The following KCNN2 variants were observed in gnomAD, a reference collection of about 807,000 sequenced individuals.
KCNN2 encodes the protein small conductance calcium-activated potassium channel protein 2.
A neutral mutation model predicts 55.5 loss-of-function variants in KCNN2; 24 were observed. The ratio of observed to expected loss-of-function variants is 0.43; its 90% CI spans 0.31 to 0.61. The LOEUF (loss-of-function observed/expected upper bound fraction) is 0.61, where lower values mean the gene tolerates loss of function less well. Among genes scored for constraint, KCNN2 ranks in the 20% least tolerant of loss-of-function variants. The probability of loss-of-function intolerance (pLI) is 0.08; values close to 1 mark genes in which losing one functional copy is unlikely to be tolerated. For missense variants in KCNN2, 754 were observed against 853.6 expected, an observed-to-expected ratio of 0.88 and a Z score of 1.45; for synonymous variants, 431 against 336.1, an observed-to-expected ratio of 1.28 and a Z score of -3.09.
chr5:114,173,674 C>T (rs545096366), intron 1 of KCNN2, among the ~76,000 whole-genome samples: 4 of 151,076 alleles, frequency 2.6e-5, no homozygotes, highest in Admixed American at 1.3e-4. Flanking sequence ...TTTTCATCAG[C>T]GTTTTGTATT....
intron 1 of KCNN2, among the ~76,000 whole-genome samples, chr5:114,138,931 T>G (rs1752221549): frequency 6.6e-6 from 1 of 152,140 alleles, no homozygotes. Flanking sequence ...TGGTCACACG[T>G]TATGGCAATT....
rs552842864 is a variant in KCNN2 at position 114,445,469 on chromosome 5, A to ATT, written c.1638-17580_1638-17579insTT. Among the ~76,000 whole-genome samples the ATT allele has an allele frequency of 3.9e-4, 59 of 152,322 alleles. 2 individuals carry two copies. In the South Asian group the frequency reaches 0.011, roughly 29 times the overall value. ...AGTTAAGAAACAAACACTTTAATTA[A>ATT]ATTGCACAGAGCAAAAGAAAGCTTT... On this transcript the variant is annotated intron_variant, in intron 3 of 7. Transcript: ENST00000673685.
chr5:114,196,201 C>T (rs1753552844), intron 1 of KCNN2, among the ~76,000 whole-genome samples: 1 of 151,604 alleles, frequency 6.6e-6, no homozygotes, highest in Admixed American at 6.6e-5. Flanking sequence ...CTGTTGCATT[C>T]CTGAGATAAT....
chr5:114,452,625 T>G (rs1386980802), intron 3 of KCNN2, among the ~76,000 whole-genome samples: 2 of 152,184 alleles, frequency 1.3e-5, no homozygotes, highest in Non-Finnish European at 2.9e-5. Flanking sequence ...TCTGGGGAGC[T>G]TTTAAAAAAT....
At chr5:114,167,155 G>A (rs145341613) in intron 1 of KCNN2, among the ~76,000 whole-genome samples, 272 of 152,234 alleles carry the variant, frequency 1.8e-3, no homozygotes, top group Non-Finnish European at 3.0e-3. Flanking sequence ...TGAACTTTCA[G>A]ATGATTTCAG....
At chr5:114,342,523 G>C (rs1392878136) in intron 2 of KCNN2, among the ~76,000 whole-genome samples, 1 of 152,092 alleles carries the variant, frequency 6.6e-6, no homozygotes, top group Non-Finnish European at 1.5e-5. Context: ...ATAGACTTTA[G>C]ATCACCAACA....
intron 1 of KCNN2, among the ~76,000 whole-genome samples, chr5:114,166,395 C>T (rs973392056): frequency 1.1e-4 from 16 of 152,222 alleles, no homozygotes; most frequent in East Asian, 7.7e-4. Flanking sequence ...ATGCTGCCTT[C>T]GCGGTATGTC....
intron 1 of KCNN2, among the ~76,000 whole-genome samples, chr5:114,180,382 C>G (rs1262372383): frequency 2.6e-5 from 4 of 151,998 alleles, no homozygotes; most frequent in Non-Finnish European, 5.9e-5. Flanking sequence ...ATATTTATAA[C>G]CCTAACAATT....
At chr5:114,212,121 C>G (rs1291462016) in intron 1 of KCNN2, among the ~76,000 whole-genome samples, 1 of 151,932 alleles carries the variant, frequency 6.6e-6, no homozygotes, top group Non-Finnish European at 1.5e-5. Flanking sequence ...GGTGAAACCA[C>G]TTAAAAATTT....
chr5:114,122,668 T>A (rs1487423903), intron 1 of KCNN2, among the ~76,000 whole-genome samples: 2 of 152,164 alleles, frequency 1.3e-5, no homozygotes, highest in African/African-American at 4.8e-5. Context: ...GTTTTGAGCT[T>A]GGACTCAAAG....
rs549647216 is a variant in KCNN2, at chr5:114,306,002, C to T, written c.-184-54943C>T. Among the ~76,000 whole-genome samples the T allele has an allele frequency of 3.5e-4, 54 of 152,244 alleles. No homozygotes were observed. The South Asian group carries it at 0.011, about 32-fold the overall frequency. Reference sequence around the variant, plus strand: ...ATCATCAGGTCTAATAACATGATGTCATCAACTGTAGTGAAACAGCATAAT... The same window carrying T: ...ATCATCAGGTCTAATAACATGATGTTATCAACTGTAGTGAAACAGCATAAT... On this transcript the variant is annotated intron_variant, in intron 2 of 10. Transcript: ENST00000512097.
chr5:114,198,136 A>G (rs1753596367), intron 1 of KCNN2, among the ~76,000 whole-genome samples: 1 of 151,912 alleles, frequency 6.6e-6, no homozygotes. Flanking sequence ...TAGGATCTAT[A>G]TCTGCCATTT....
chr5:114,227,562 T>C (rs1284143663), intron 2 of KCNN2, among the ~76,000 whole-genome samples: 2 of 152,218 alleles, frequency 1.3e-5, no homozygotes, highest in South Asian at 4.1e-4. Flanking sequence ...TGTTCATTTT[T>C]CTGTCCTCCA....
At chr5:114,177,070 C>G (rs1038049080) in intron 1 of KCNN2, among the ~76,000 whole-genome samples, 2 of 151,948 alleles carry the variant, frequency 1.3e-5, no homozygotes, top group Non-Finnish European at 2.9e-5. Context: ...AGTCAGGCAT[C>G]CAACATTTTC....
intron 1 of KCNN2, among the ~76,000 whole-genome samples, chr5:114,101,901 C>T (rs995645709): frequency 2.6e-5 from 4 of 152,108 alleles, no homozygotes; most frequent in African/African-American, 9.7e-5. Context: ...GATACGTGTG[C>T]ATGTGTCTTT....
intron 3 of KCNN2, among the ~76,000 whole-genome samples, chr5:114,437,076 T>C (rs143839755): frequency 6.6e-6 from 1 of 152,106 alleles, no homozygotes; most frequent in East Asian, 1.9e-4. Context: ...TATGCGTGCA[T>C]GCATGCATGT....
chr5:114,471,594 A>G lies in KCNN2; in HGVS notation c.1780-1460A>G, dbSNP rs988813260. On this transcript the variant is annotated intron_variant, in intron 4 of 7. Transcript: ENST00000673685. ...AAAATATCAATGCTAATCAAAGTTTATAACTGAATAATCATTTACTCTGCT... is the reference window on the plus strand; with the variant it reads ...AAAATATCAATGCTAATCAAAGTTTGTAACTGAATAATCATTTACTCTGCT... 3.9e-5 allele frequency among the ~76,000 whole-genome samples: 6 copies of G among 152,342 alleles called. No homozygotes were observed. The East Asian group carries it at 7.7e-4, about 20-fold the overall frequency.
At chr5:114,396,637 C>T (rs1233701908) in intron 2 of KCNN2, among the ~76,000 whole-genome samples, 1 of 151,556 alleles carries the variant, frequency 6.6e-6, no homozygotes. Context: ...CAACCTCTGC[C>T]TCCCAGGTTC....
intron 2 of KCNN2, among the ~76,000 whole-genome samples, chr5:114,378,656 G>A (rs1758013540): frequency 6.6e-6 from 1 of 151,876 alleles, no homozygotes; most frequent in African/African-American, 2.4e-5. Context: ...CTGGTGCCTC[G>A]GGGTTGGGAG....
Sources: gnomAD v4.1 joint callset for allele counts (sites outside exome capture counted in the v4.1 genomes callset) on GRCh38, gnomAD v4.1.1 for gene constraint, MANE v1.5 for transcripts, NCBI Gene and HGNC (gene_info 2026-07-23, HGNC 2026-07-21) for gene names.